The following EFHC1 variants were observed in gnomAD, a reference collection of about 807,000 sequenced individuals.
EFHC1 encodes the protein EF-hand domain-containing protein 1.
A neutral mutation model predicts 69.9 loss-of-function variants in EFHC1; 53 were observed. The observed-to-expected ratio is 0.76, with a 90% CI of 0.61 to 0.95. The LOEUF is 0.95. Ranked by LOEUF, EFHC1 falls within the 40% of genes least tolerant of loss-of-function variation. The pLI is 0.00. For synonymous variants in EFHC1, 256 were observed against 278.4 expected, an observed-to-expected ratio of 0.92 and a Z score of 0.80; for missense variants, 739 against 798.7, an observed-to-expected ratio of 0.93 and a Z score of 0.90.
At chr6:52,456,538 C>T (rs1280839444) in intron 5 of EFHC1, among the ~76,000 whole-genome samples, 1 of 152,182 alleles carries the variant, frequency 6.6e-6, no homozygotes, top group Non-Finnish European at 1.5e-5. Flanking sequence ...TAATTATCCT[C>T]TTCTATAATT....
chr6:52,492,624 AT>A lies in EFHC1; in HGVS notation c.*290del. ...CCTTTCTTTCTTTTTAAAAAAATAA[AT>A]TTTTTTAGAGATGGGATCTCACTCT... On this transcript the variant is annotated 3_prime_UTR_variant, in exon 11 of 11. Transcript: ENST00000371068. The A allele has an allele frequency of 5.9e-6, 3 of 512,236 alleles. No individual in the cohort carries two copies. Among genetic ancestry groups the A allele is most frequent in the South Asian group, 1.6e-5 (1 of 64,222 alleles). The allele number at this position is 512,236 out of a possible 1,614,324, so 31.7% of individuals were successfully genotyped here.
At chr6:52,437,908 T>C (rs1581818495) in intron 2 of EFHC1, among the ~76,000 whole-genome samples, 1 of 152,232 alleles carries the variant, frequency 6.6e-6, no homozygotes, top group East Asian at 1.9e-4. Context: ...AGTCTGTGTA[T>C]CTCTGTCACA....
intron 7 of EFHC1, among the ~76,000 whole-genome samples, chr6:52,473,344 C>T (rs1437012435): frequency 1.3e-5 from 2 of 152,118 alleles, no homozygotes; most frequent in African/African-American, 4.8e-5. Context: ...CCATCTCACT[C>T]CAAAAGTGGA....
chr6:52,459,732 T>A (rs944007189), intron 5 of EFHC1, among the ~76,000 whole-genome samples: 2 of 152,324 alleles, frequency 1.3e-5, no homozygotes, highest in Non-Finnish European at 2.9e-5. Flanking sequence ...TGGAGTGCAG[T>A]GGCATGGTCT....
chr6:52,472,840 C>G (rs1765468449), intron 7 of EFHC1, among the ~76,000 whole-genome samples: 1 of 151,738 alleles, frequency 6.6e-6, no homozygotes, highest in South Asian at 2.1e-4. Flanking sequence ...GTGTTACATA[C>G]AAAAGATATG....
rs370160154 is a variant in EFHC1 at position 52,453,867 on chromosome 6, C to T, written c.724-228C>T. 6.6e-6 allele frequency: 9 copies of T among 1,370,344 alleles called. No homozygotes were observed. In the East Asian group the frequency reaches 1.2e-4, roughly 18 times the overall value. The allele number at this position is 1,370,344 out of a possible 1,614,324, so 84.9% of individuals were successfully genotyped here. A position where few individuals can be genotyped will look rare whatever the true frequency, so the allele number is the denominator to read the frequency against. ...GTGAGCTCTTCTTTTTTGGCACAAA[C>T]TTATAATCCTATTATTTAATTCTTT... is the stretch of plus-strand genomic sequence containing the variant. On this transcript the variant is annotated intron_variant, in intron 4 of 10. Coordinates refer to ENST00000371068, the MANE Select transcript of EFHC1 (RefSeq NM_018100.4).
intron 9 of EFHC1, chr6:52,488,776 A>G (rs1250648752): frequency 2.0e-5 from 3 of 152,226 alleles, no homozygotes; most frequent in Non-Finnish European, 4.4e-5. Context: ...CACAACTTTT[A>G]TAACACAAGG....
intron 3 of EFHC1, among the ~76,000 whole-genome samples, chr6:52,448,380 G>C (rs543858014): frequency 1.3e-5 from 2 of 152,342 alleles, no homozygotes; most frequent in South Asian, 4.1e-4. Context: ...CCAGGTGCGG[G>C]ATATAATCTC....
In EFHC1 at chr6:52,495,888, A is replaced by G. The variant is rs1766046207; in HGVS notation, c.*3547A>G. The G allele has an allele frequency of 1.3e-5, 4 of 299,286 alleles. No individual in the cohort carries two copies. Among genetic ancestry groups the G allele is most frequent in the South Asian group, 1.0e-4 (3 of 29,742 alleles). 18.5% of individuals were successfully genotyped at this position (299,286 alleles called of 1,614,324 possible). A position where few individuals can be genotyped will look rare whatever the true frequency, so the allele number is the denominator to read the frequency against. On this transcript the variant is annotated 3_prime_UTR_variant, in exon 11 of 11. Transcript: ENST00000371068. ...CACAAGGTATAAAAGAGATTTCATG[A>G]AAGACCAAAGCCAGCAGGCCATTTC...
intron 7 of EFHC1, among the ~76,000 whole-genome samples, chr6:52,475,091 G>A (rs183332320): frequency 5.4e-4 from 82 of 151,616 alleles, no homozygotes; most frequent in Non-Finnish European, 1.0e-3. Context: ...TATTAGTAAA[G>A]AAATAGTGGA....
At chr6:52,483,098 G>T in intron 9 of EFHC1, 1 of 370,920 alleles carries the variant, frequency 2.7e-6, no homozygotes, top group Admixed American at 4.6e-5. Context: ...TGATGTAATT[G>T]TCACTGATTG....
intron 2 of EFHC1, among the ~76,000 whole-genome samples, chr6:52,433,912 T>C (rs1470261643): frequency 2.0e-5 from 3 of 151,988 alleles, no homozygotes; most frequent in African/African-American, 7.3e-5. Context: ...CCTAGGAAGA[T>C]TATGGCTGCC....
intron 4 of EFHC1, chr6:52,453,611 A>G: frequency 2.4e-6 from 3 of 1,256,410 alleles, no homozygotes; most frequent in Non-Finnish European, 3.1e-6. Context: ...CACGATTTGA[A>G]GAAGCCTAGC....
In EFHC1 at chr6:52,494,913, A is replaced by G. The variant is rs1377510397; in HGVS notation, c.*2572A>G. 4.4e-6 allele frequency: 2 copies of G among 452,140 alleles called. No individual in the cohort carries two copies. Among genetic ancestry groups the G allele is most frequent in the African/African-American group, 2.0e-5 (1 of 50,046 alleles). 28.0% of individuals were successfully genotyped at this position (452,140 alleles called of 1,614,324 possible). ...GGCTGCGTAGTATTCCATGGTGTAG[A>G]TATACTTCATTTAAAAAATCTAATC... On this transcript the variant is annotated 3_prime_UTR_variant, in exon 11 of 11. Transcript: ENST00000371068.
At chr6:52,444,403 C>G (rs1764734467) in intron 3 of EFHC1, among the ~76,000 whole-genome samples, 1 of 152,254 alleles carries the variant, frequency 6.6e-6, no homozygotes, top group African/African-American at 2.4e-5. Flanking sequence ...TTTGCCCATT[C>G]AGTATGATAT....
chr6:52,494,832 A>G lies in EFHC1; in HGVS notation c.*2491A>G. 1 of 452,784 alleles carries G rather than the reference A, an allele frequency of 2.2e-6. No individual in the cohort carries two copies. The highest frequency in any genetic ancestry group is 4.4e-6 in the Non-Finnish European group (1 of 225,788). The allele number at this position is 452,784 out of a possible 1,614,324, so 28.0% of individuals were successfully genotyped here. On this transcript the variant is annotated 3_prime_UTR_variant, in exon 11 of 11. Coordinates refer to ENST00000371068, the MANE Select transcript of EFHC1 (RefSeq NM_018100.4). ...TATTCCTGCATCAATTCACTTTAGG[A>G]TAATGGCCTCCAGCTGCATCCATGT...
At position 52,496,033 on chromosome 6, in the gene EFHC1, T is replaced by C. The variant is rs1327491871; in HGVS notation, c.*3692T>C. The C allele has an allele frequency of 4.8e-6, 1 of 207,420 alleles. No individual in the cohort carries two copies. Among genetic ancestry groups the C allele is most frequent in the Non-Finnish European group, 9.8e-6 (1 of 101,694 alleles). 12.8% of individuals were successfully genotyped at this position (207,420 alleles called of 1,614,324 possible). A position where few individuals can be genotyped will look rare whatever the true frequency, so the allele number is the denominator to read the frequency against. On this transcript the variant is annotated 3_prime_UTR_variant, in exon 11 of 11. Coordinates refer to ENST00000371068, the MANE Select transcript of EFHC1 (RefSeq NM_018100.4). ...CCTGAATGGCAGTGCAGCCATTAGA[T>C]GTCACTAATTACCTTATGCTACAGT... is the stretch of plus-strand genomic sequence containing the variant.
At chr6:52,452,998 T>C in intron 4 of EFHC1, 161 bp downstream of exon 4, 1 of 1,550,696 alleles carries the variant, frequency 6.4e-7, no homozygotes, top group Non-Finnish European at 8.7e-7. Context: ...CATCAAGGGT[T>C]ACAGGTACAG....
chr6:52,453,126 C>T, intron 4 of EFHC1: 1 of 1,405,330 alleles, frequency 7.1e-7, no homozygotes, highest in Non-Finnish European at 9.4e-7. Flanking sequence ...TGCTTCCCAC[C>T]TTACGTTTCC....
Sources: gnomAD v4.1 joint callset for allele counts (sites outside exome capture counted in the v4.1 genomes callset) on GRCh38, gnomAD v4.1.1 for gene constraint, MANE v1.5 for transcripts, NCBI Gene and HGNC (gene_info 2026-07-23, HGNC 2026-07-21) for gene names.